The following ADGRB3 variants were observed in gnomAD, a reference collection of about 807,000 sequenced individuals.
ADGRB3 encodes brain-specific angiogenesis inhibitor 3.
ADGRB3 carries 37 observed loss-of-function variants against 193.4 expected under a neutral mutation model. The observed-to-expected ratio is 0.19, with a 90% CI of 0.15 to 0.25. The LOEUF is 0.25. ADGRB3 is among the 10% of genes least tolerant of loss of function. The pLI, the probability that ADGRB3 is intolerant of heterozygous loss-of-function variation, is 1.00. For missense variants in ADGRB3, 1,637 were observed against 1,852.9 expected (o/e 0.88, Z 2.14); for synonymous variants, 690 against 644.2 (o/e 1.07, Z -1.08).
In ADGRB3 at chr6:68,956,057, G is replaced by A; in HGVS notation, c.1229G>A (p.Ser410Asn). ...CAGTGGCAAGAGTGGAGTTCGTGGAGCCAGTGCTCAGTAACGTGCTCGAAT... is the reference window on the plus strand; with the variant it reads ...CAGTGGCAAGAGTGGAGTTCGTGGAACCAGTGCTCAGTAACGTGCTCGAAT... Reference protein sequence around the residue: ...DGQWQEWSSWSQCSVTCSNGT... With the variant: ...DGQWQEWSSWNQCSVTCSNGT... Residue 410 changes from serine to asparagine, a missense_variant, in exon 7 of 32, where the codon AGC becomes AAC. By Grantham distance (46) the Ser-to-Asn change is conservative. Around this residue, in one of 7 missense-constraint regions of ADGRB3, gnomAD observed 641 missense variants for 673.9 expected, o/e 0.95. Transcript: ENST00000370598. 2 of 1,613,852 alleles carry A rather than the reference G, an allele frequency of 1.2e-6. No homozygotes were observed. Among genetic ancestry groups the A allele is most frequent in the South Asian group, 2.2e-5 (2 of 91,066 alleles).
chr6:69,295,151 A>G (rs1276946184), intron 20 of ADGRB3, among the ~76,000 whole-genome samples: 1 of 152,182 alleles, frequency 6.6e-6, no homozygotes, highest in Non-Finnish European at 1.5e-5. Flanking sequence ...CCAAGTTTCA[A>G]TTATCCGTGT....
At chr6:69,218,812 T>C (rs1332685712) in intron 17 of ADGRB3, among the ~76,000 whole-genome samples, 1 of 152,170 alleles carries the variant, frequency 6.6e-6, no homozygotes, top group African/African-American at 2.4e-5. Flanking sequence ...GGATTTTCTG[T>C]ACAACAACTG....
intron 3 of ADGRB3, among the ~76,000 whole-genome samples, chr6:68,650,740 C>T (rs1582097909): frequency 6.6e-6 from 1 of 151,948 alleles, no homozygotes; most frequent in East Asian, 1.9e-4. Flanking sequence ...CTAAGTTTTC[C>T]TTTATAATTT....
intron 20 of ADGRB3, among the ~76,000 whole-genome samples, chr6:69,301,033 A>T (rs973177286): frequency 3.1e-4 from 47 of 151,808 alleles, no homozygotes; most frequent in African/African-American, 1.1e-3. Flanking sequence ...GCACAGGTCC[A>T]CTTATAAGTA....
rs1469343868 is a variant in ADGRB3 at position 69,018,408 on chromosome 6, A to G, written c.2016A>G (p.Ile672Met). 1.2e-6 allele frequency: 2 copies of G among 1,601,718 alleles called. No individual in the cohort carries two copies. The highest frequency in any genetic ancestry group is 1.7e-6 in the Non-Finnish European group (2 of 1,171,240). ...TTTTCTAGATTTATCCAGGGTCAAT[A>G]GAGTTAATGCAGGTGATTGAAGATT... ...EDAQQIYPGS[I>M]ELMQVIEDFI... Residue 672 changes from isoleucine (I) to methionine (M), a missense_variant, in exon 13 of 32, where the codon ATA (isoleucine) becomes ATG (methionine). This residue lies in a region of ADGRB3 where 641 missense variants were observed against 673.9 expected (regional missense o/e 0.95). Transcript: ENST00000370598.
At chr6:69,212,561 A>G (rs962627893) in intron 17 of ADGRB3, among the ~76,000 whole-genome samples, 3 of 152,118 alleles carry the variant, frequency 2.0e-5, no homozygotes, top group African/African-American at 7.2e-5. Context: ...AGAAACTGAA[A>G]CATGACCTTT....
rs533730127 is a variant in ADGRB3, at chr6:69,306,099, T to A, written c.2815-18773T>A. Among the ~76,000 whole-genome samples, 38 of 151,592 alleles carry A rather than the reference T, an allele frequency of 2.5e-4. 1 individual carries two copies. The highest frequency in any genetic ancestry group is 9.0e-4 in the African/African-American group (37 of 41,192). On this transcript the variant is annotated intron_variant, in intron 20 of 31. Transcript: ENST00000370598. ...GAGCATCCCTGGATTTGGGTACCCA[T>A]GAGGGTTCAGTAACCAATCCTTCAT...
intron 20 of ADGRB3, among the ~76,000 whole-genome samples, chr6:69,311,844 ATTC>A (rs1350588509): frequency 6.6e-6 from 1 of 151,740 alleles, no homozygotes; most frequent in Non-Finnish European, 1.5e-5. Context: ...TCTCCATGTG[ATTC>A]TTCTTTTAGT....
intron 3 of ADGRB3, among the ~76,000 whole-genome samples, chr6:68,928,462 G>A (rs1010171618): frequency 3.9e-5 from 6 of 152,242 alleles, no homozygotes; most frequent in African/African-American, 1.2e-4. Context: ...TTGAGCCCAG[G>A]CGTTCAAGTT....
At chr6:68,698,146 A>G (rs537172414) in intron 3 of ADGRB3, among the ~76,000 whole-genome samples, 4 of 151,986 alleles carry the variant, frequency 2.6e-5, no homozygotes, top group African/African-American at 9.6e-5. Flanking sequence ...AAATATTACC[A>G]CTTATTTCAA....
At chr6:69,000,199 A>G (rs1312095515) in intron 11 of ADGRB3, among the ~76,000 whole-genome samples, 1 of 151,712 alleles carries the variant, frequency 6.6e-6, no homozygotes, top group Non-Finnish European at 1.5e-5. Context: ...TAAAAAAAAG[A>G]AACAAAGAAG....
chr6:68,880,862 T>C (rs1322995514), intron 3 of ADGRB3, among the ~76,000 whole-genome samples: 4 of 152,198 alleles, frequency 2.6e-5, no homozygotes, highest in Non-Finnish European at 5.9e-5. Flanking sequence ...CTTTTTCTCA[T>C]ATAAATGTAT....
intron 8 of ADGRB3, among the ~76,000 whole-genome samples, chr6:68,959,790 G>A (rs1185835770): frequency 1.3e-5 from 2 of 152,040 alleles, no homozygotes; most frequent in Non-Finnish European, 2.9e-5. Context: ...AATAATGCTA[G>A]TTGGGCTATA....
At chr6:68,665,240 A>G (rs1191569752) in intron 3 of ADGRB3, among the ~76,000 whole-genome samples, 1 of 151,690 alleles carries the variant, frequency 6.6e-6, no homozygotes, top group Non-Finnish European at 1.5e-5. Context: ...CTGAAAGTAT[A>G]GTCTTGGTAT....
rs76773609 is a variant in ADGRB3, at chr6:68,732,450, A to G, written c.757+93018A>G. 2.0e-3 allele frequency among the ~76,000 whole-genome samples: 299 copies of G among 152,112 alleles called. 3 individuals are homozygous for G. The highest frequency in any genetic ancestry group is 6.9e-3 in the African/African-American group (288 of 41,552). Reference sequence around the variant, plus strand: ...GAAAATTGTTTTGGTTATAAAAGCTATACAATTTGAAATTCAGAAATAAAG... The same window carrying G: ...GAAAATTGTTTTGGTTATAAAAGCTGTACAATTTGAAATTCAGAAATAAAG... On this transcript the variant is annotated intron_variant, in intron 3 of 31. Transcript: ENST00000370598.
chr6:68,752,990 C>G (rs548612923), intron 3 of ADGRB3, among the ~76,000 whole-genome samples: 1 of 152,092 alleles, frequency 6.6e-6, no homozygotes, highest in African/African-American at 2.4e-5. Context: ...ACTTAACAAG[C>G]ATTTGAGGTA....
At chr6:68,706,939 G>A (rs542944784) in intron 3 of ADGRB3, among the ~76,000 whole-genome samples, 8 of 151,918 alleles carry the variant, frequency 5.3e-5, no homozygotes, top group South Asian at 2.1e-4. Flanking sequence ...GCGAAACCCC[G>A]TCTCTACTAA....
chr6:68,798,627 A>G (rs554698598), intron 3 of ADGRB3, among the ~76,000 whole-genome samples: 186 of 152,300 alleles, frequency 1.2e-3, no homozygotes, highest in Non-Finnish European at 2.0e-3. Context: ...GCACATGTAT[A>G]CCTATGTAAC....
intron 3 of ADGRB3, among the ~76,000 whole-genome samples, chr6:68,725,081 A>G (rs1765650041): frequency 6.6e-6 from 1 of 151,648 alleles, no homozygotes; most frequent in African/African-American, 2.4e-5. Flanking sequence ...TTAGAAAAGC[A>G]TTGGTATAGT....
Sources: gnomAD v4.1 joint callset for allele counts (sites outside exome capture counted in the v4.1 genomes callset) on GRCh38, gnomAD v4.1.1 for gene constraint, gnomAD v4.1.1 regional missense constraint, MANE v1.5 for transcripts, NCBI Gene and HGNC (gene_info 2026-07-23, HGNC 2026-07-21) for gene names.